C11orf24: variants seen among roughly 807,000 people sequenced by gnomAD.
C11orf24 encodes uncharacterized protein C11orf24.
Under a neutral mutation model 7.3 loss-of-function variants are expected in C11orf24, and 5 were observed. The ratio of observed to expected loss-of-function variants is 0.69; its 90% CI spans 0.36 to 1.45. The LOEUF (loss-of-function observed/expected upper bound fraction) is 1.45. Ranked by LOEUF, C11orf24 falls within the 40% of genes most tolerant of loss-of-function variation. The pLI is 0.03. For missense variants in C11orf24, 566 were observed against 590.5 expected (o/e 0.96, Z 0.43); for synonymous variants, 233 against 235.7 (o/e 0.99, Z 0.11).
At chr11:68,270,255 T>C (rs766998556) in intron 1 of C11orf24, among the ~76,000 whole-genome samples, 4 of 152,154 alleles carry the variant, frequency 2.6e-5, no homozygotes, top group Non-Finnish European at 2.9e-5. Flanking sequence ...CAGCTCCCCA[T>C]AGGATCTGCA....
chr11:68,266,215 T>C (rs755928224), intron 2 of C11orf24, among the ~76,000 whole-genome samples: 1 of 152,136 alleles, frequency 6.6e-6, no homozygotes, highest in Non-Finnish European at 1.5e-5. Context: ...GGGAGTGACA[T>C]GGGACATGGG....
Position 68,262,111 on chromosome 11 carries a change from TTGG to T in C11orf24, c.881_883del (p.Thr294del). On this transcript the variant is annotated inframe_deletion, in exon 4 of 4. Transcript: ENST00000304271. ...GGCAGTTGGCTCCCTGGCTTGTGCC[TTGG>T]TGGTGGTCACCACTGTGGGGGTGGG... The T allele has an allele frequency of 6.2e-7, 1 of 1,613,964 alleles. No individual in the cohort carries two copies. Among genetic ancestry groups the T allele is most frequent in the Non-Finnish European group, 8.5e-7 (1 of 1,179,998 alleles).
intron 1 of C11orf24, among the ~76,000 whole-genome samples, chr11:68,269,299 G>A (rs2098566720): frequency 6.6e-6 from 1 of 152,200 alleles, no homozygotes; most frequent in African/African-American, 2.4e-5. Context: ...CTATATATCA[G>A]GAGAGACATT....
Position 68,261,618 on chromosome 11 carries a change from A to G in C11orf24, c.*27T>C, listed in dbSNP as rs369126037. On this transcript the variant is annotated 3_prime_UTR_variant, in exon 4 of 4. Transcript: ENST00000304271. ...AAAAGGAAAGGACGAGGAAGGGGCC[A>G]GGCCTCCCGCCAGGCCCCCGCCCCC... 1,788 of 1,574,842 alleles carry G rather than the reference A, an allele frequency of 1.1e-3. 4 individuals are homozygous for G. The highest frequency in any genetic ancestry group is 1.5e-3 in the Non-Finnish European group (1,710 of 1,154,596).
At position 68,262,875 on chromosome 11, in the gene C11orf24, C is replaced by T; in HGVS notation, c.120G>A (p.Arg40=). The T allele has an allele frequency of 6.2e-7, 1 of 1,614,060 alleles. No homozygotes were observed. The highest frequency in any genetic ancestry group is 2.2e-5 in the East Asian group (1 of 44,884). ...PNKMWKGLVK[R]NASVETVDNK... ...TATCAACTGTTTCCACAGATGCATTCCTCTTGACTAATCCCTTCCACATTT... is the reference window on the plus strand; with the variant it reads ...TATCAACTGTTTCCACAGATGCATTTCTCTTGACTAATCCCTTCCACATTT... The change falls in exon 4 of 4, where the codon AGG becomes AGA. Residue 40 remains arginine, a synonymous_variant. Coordinates refer to ENST00000304271, the MANE Select transcript of C11orf24 (RefSeq NM_022338.4).
intron 2 of C11orf24, chr11:68,267,373 C>G (rs2098565734): frequency 6.6e-6 from 1 of 152,298 alleles, no homozygotes; most frequent in Admixed American, 6.5e-5. Context: ...CCTCCACCAC[C>G]CTGCATGAGT....
At chr11:68,264,804 A>G (rs571293211) in intron 2 of C11orf24, among the ~76,000 whole-genome samples, 3 of 150,516 alleles carry the variant, frequency 2.0e-5, no homozygotes, top group Admixed American at 6.6e-5. Context: ...AAAAACACAC[A>G]AGCTCTTCAG....
intron 2 of C11orf24, among the ~76,000 whole-genome samples, chr11:68,266,720 C>A (rs2098565359): frequency 6.6e-6 from 1 of 152,144 alleles, no homozygotes; most frequent in South Asian, 2.1e-4. Context: ...CGGGTCAAGG[C>A]AGTGCAGCTG....
rs547273966 is a variant in C11orf24, at chr11:68,262,395, C to T, written c.600G>A (p.Ala200=). The T allele has an allele frequency of 2.3e-4, 373 of 1,614,148 alleles. 2 individuals are homozygous for T. The South Asian group carries it at 3.6e-3, about 16-fold the overall frequency. ...TGGCCAGGGTTGCTGTTCTTGGCAACGCGCTGCTCTTTGGCACTTGTGCGA... is the reference window on the plus strand; with the variant it reads ...TGGCCAGGGTTGCTGTTCTTGGCAATGCGCTGCTCTTTGGCACTTGTGCGA... ...TALAQVPKSS[A]LPRTATLATL... The change falls in exon 4 of 4, where the codon GCG becomes GCA. Residue 200 remains alanine (A), a synonymous_variant. Coordinates refer to ENST00000304271, the MANE Select transcript of C11orf24 (RefSeq NM_022338.4).
Position 68,263,288 on chromosome 11 carries a change from T to A in C11orf24, c.77-370A>T, listed in dbSNP as rs2098562888. On this transcript the variant is annotated intron_variant, in intron 3 of 3. Transcript: ENST00000304271. ...CGCACACCCAGGTTTACAAAGCAGA[T>A]AAACTGCACAGGTATTCACATCATA... 2.5e-5 allele frequency: 10 copies of A among 404,314 alleles called. No individual in the cohort carries two copies. In the South Asian group the frequency reaches 3.2e-4, roughly 13 times the overall value. The allele number at this position is 404,314 out of a possible 1,614,324, so 25.0% of individuals were successfully genotyped here.
At chr11:68,265,038 G>A (rs1416559166) in intron 2 of C11orf24, among the ~76,000 whole-genome samples, 1 of 151,862 alleles carries the variant, frequency 6.6e-6, no homozygotes, top group Non-Finnish European at 1.5e-5. Flanking sequence ...CAGTGGTGGT[G>A]TGGTCGGCAT....
chr11:68,264,346 TCATCCATCCACCTGCCCGCCCACCCATC>T (rs2098563456), intron 2 of C11orf24, among the ~76,000 whole-genome samples: 1 of 151,182 alleles, frequency 6.6e-6, no homozygotes, highest in African/African-American at 2.4e-5. Context: ...ATCCACCCAT[TCATCCATCCACCTGCCCGCCCACCCATC>T]CATCCACCCA....
At position 68,262,760 on chromosome 11, in the gene C11orf24, C is replaced by T. The variant is rs777141577; in HGVS notation, c.235G>A (p.Val79Ile). 3.1e-6 allele frequency: 5 copies of T among 1,614,122 alleles called. No individual in the cohort carries two copies. The highest frequency in any genetic ancestry group is 4.2e-6 in the Non-Finnish European group (5 of 1,180,020). ...GTCCTGCTTGTGTCCTCTGTTGTGA[C>T]TTCCATAGAGTTGAGGTGGGCTGCC... ...TSAAHLNSME[V>I]TTEDTSRTDV... Residue 79 changes from valine to isoleucine, a missense_variant, in exon 4 of 4, where the codon GTC becomes ATC. Transcript: ENST00000304271.
intron 1 of C11orf24, among the ~76,000 whole-genome samples, chr11:68,269,660 T>C (rs896551041): frequency 2.0e-5 from 3 of 151,970 alleles, no homozygotes; most frequent in Non-Finnish European, 4.4e-5. Context: ...ACATGCAAAA[T>C]CACACACACA....
Position 68,262,056 on chromosome 11 carries a change from T to A in C11orf24, c.939A>T (p.Pro313=). 1 of 1,612,430 alleles carries A rather than the reference T, an allele frequency of 6.2e-7. No homozygotes were observed. The highest frequency in any genetic ancestry group is 8.5e-7 in the Non-Finnish European group (1 of 1,179,730). Reference sequence around the variant, plus strand: ...GGGACATGGCCTCCATCTCAGGGATTGGGCTGGTGTGAGGTACTGGCACTG... The same window carrying A: ...GGGACATGGCCTCCATCTCAGGGATAGGGCTGGTGTGAGGTACTGGCACTG... ...ASPVPVPHTS[P]IPEMEAMSPT... is the part of the protein sequence containing the mutation. The change falls in exon 4 of 4, where the codon CCA becomes CCT. Residue 313 remains proline (P), a synonymous_variant. Coordinates refer to ENST00000304271, the MANE Select transcript of C11orf24 (RefSeq NM_022338.4).
chr11:68,261,758 A>G lies in C11orf24; in HGVS notation c.1237T>C (p.Phe413Leu), dbSNP rs2098561777. The change falls in exon 4 of 4, where the codon TTC (phenylalanine) becomes CTC (leucine). Residue 413 changes from phenylalanine to leucine, a missense_variant. Phe to Leu is a conservative substitution (Grantham distance 22, BLOSUM62 0). Coordinates refer to ENST00000304271, the MANE Select transcript of C11orf24 (RefSeq NM_022338.4). ...LVVLLLGVTL[F>L]ITVLVLFALQ... ...GCAAACAAAACCAAGACTGTGATGAAAAGGGTCACCCCGAGTAACAGCACC... is the reference window on the plus strand; with the variant it reads ...GCAAACAAAACCAAGACTGTGATGAGAAGGGTCACCCCGAGTAACAGCACC... 1 of 1,614,216 alleles carries G rather than the reference A, an allele frequency of 6.2e-7. No homozygotes were observed. The highest frequency in any genetic ancestry group is 1.7e-5 in the Admixed American group (1 of 60,028).
intron 3 of C11orf24, 22 bp downstream of exon 3, chr11:68,263,670 G>A (rs766144051): frequency 1.9e-6 from 3 of 1,610,450 alleles, no homozygotes; most frequent in Admixed American, 3.3e-5. Context: ...CCATCCAGCA[G>A]TCACACAGCT....
At position 68,262,168 on chromosome 11, in the gene C11orf24, A is replaced by T; in HGVS notation, c.827T>A (p.Met276Lys). 4.3e-6 allele frequency: 7 copies of T among 1,613,806 alleles called. No homozygotes were observed. The highest frequency in any genetic ancestry group is 5.9e-6 in the Non-Finnish European group (7 of 1,179,878). ...VVNTTNKSTP[M>K]PSNTTPEPAP... ...GGGCTCTGGGGTTGTGTTTGAGGGC[A>T]TGGGTGTGGATTTATTTGTTGTGTT... The change falls in exon 4 of 4, where the codon ATG (methionine) becomes AAG (lysine). Residue 276 changes from methionine (M) to lysine (K), a missense_variant. Coordinates refer to ENST00000304271, the MANE Select transcript of C11orf24 (RefSeq NM_022338.4).
rs2098562454 is a variant in C11orf24, at chr11:68,262,573, G to A, written c.422C>T (p.Thr141Ile). ...SAPTTAASST[T>I]VASIAPTTAA... ...AGTCGTGGGAGCAATGGAGGCCACA[G>A]TTGTACTGGAGGCTGCAGTCGTGGG... is the stretch of plus-strand genomic sequence containing the variant. The change falls in exon 4 of 4, where the codon ACT (threonine) becomes ATT (isoleucine). Residue 141 changes from threonine (T) to isoleucine (I), a missense_variant. By Grantham distance (89) the Thr-to-Ile change is moderately conservative. Coordinates refer to ENST00000304271, the MANE Select transcript of C11orf24 (RefSeq NM_022338.4). 1 of 1,608,750 alleles carries A rather than the reference G, an allele frequency of 6.2e-7. No homozygotes were observed. The highest frequency in any genetic ancestry group is 2.2e-5 in the East Asian group (1 of 44,748).
Sources: allele counts gnomAD v4.1 joint callset (sites outside exome capture counted in the v4.1 genomes callset), GRCh38; gene constraint gnomAD v4.1.1; transcripts MANE v1.5; gene names NCBI Gene and HGNC (gene_info 2026-07-23, HGNC 2026-07-21).